BBOX1: variants seen among roughly 807,000 people sequenced by gnomAD.
BBOX1 encodes the protein gamma-butyrobetaine dioxygenase.
A neutral mutation model predicts 41.6 loss-of-function variants in BBOX1; 35 were observed. That is an observed-to-expected ratio of 0.84 (90% CI 0.64 to 1.11). The LOEUF is 1.11. BBOX1 is among the 50% of genes most tolerant of loss of function. The pLI, the probability that BBOX1 is intolerant of heterozygous loss-of-function variation, is 0.00. For missense variants in BBOX1, 458 were observed against 460.6 expected (o/e 0.99, Z 0.05); for synonymous variants, 163 against 154.7 (o/e 1.05, Z -0.40).
At chr11:27,125,259 A>G (rs940127015) in intron 7 of BBOX1, among the ~76,000 whole-genome samples, 2 of 152,182 alleles carry the variant, frequency 1.3e-5, no homozygotes, top group East Asian at 1.9e-4. Flanking sequence ...AAATAAAACC[A>G]TCATACTTAG....
chr11:27,073,424 G>A (rs7927654), intron 4 of BBOX1, among the ~76,000 whole-genome samples: 90,252 of 151,080 alleles, frequency 0.6, 29,616 homozygotes, highest in East Asian at 0.94. Context: ...AGGTGCTGGA[G>A]AGGATGTAGA....
intron 4 of BBOX1, among the ~76,000 whole-genome samples, chr11:27,069,433 CT>C (rs1695543558): frequency 6.6e-6 from 1 of 152,082 alleles, no homozygotes; most frequent in Non-Finnish European, 1.5e-5. Flanking sequence ...TAACCTGAGA[CT>C]TCACTGAATT....
In BBOX1 at chr11:27,065,302, G is replaced by A. The variant is rs116726723; in HGVS notation, c.334+7987G>A. Among the ~76,000 whole-genome samples the A allele has an allele frequency of 4.4e-3, 670 of 152,308 alleles. 5 individuals are homozygous for A. Among genetic ancestry groups the A allele is most frequent in the African/African-American group, 0.016 (646 of 41,578 alleles). On this transcript the variant is annotated intron_variant, in intron 4 of 8. Transcript: ENST00000263182. The stretch of plus-strand genomic sequence containing the variant: ...GTGAATACAGCTATCTCAAATGCAT[G>A]TCAATTTATGAATGTGTACCTTGCT...
intron 4 of BBOX1, among the ~76,000 whole-genome samples, chr11:27,075,032 A>G (rs573348401): frequency 6.6e-6 from 1 of 152,206 alleles, no homozygotes; most frequent in African/African-American, 2.4e-5. Flanking sequence ...TGGGGATGTT[A>G]TAGAACCCTG....
At chr11:27,114,139 A>G (rs773502453) in intron 5 of BBOX1, among the ~76,000 whole-genome samples, 1 of 151,862 alleles carries the variant, frequency 6.6e-6, no homozygotes, top group Non-Finnish European at 1.5e-5. Context: ...AAATCAACAG[A>G]TCCATTTACA....
In BBOX1 at chr11:27,115,525, A is replaced by G. The variant is rs1419567299; in HGVS notation, c.607A>G (p.Thr203Ala). Residue 203 changes from threonine to alanine, a missense_variant, in exon 6 of 9, where the codon ACT becomes GCT. Thr to Ala is a moderately conservative substitution (Grantham distance 58). Transcript: ENST00000263182. Reference sequence around the variant, plus strand: ...CACAACTGGGAAGCTAAGCTTTCACACTGATTATCCAGCCCTCCATCATCC... The same window carrying G: ...CACAACTGGGAAGCTAAGCTTTCACGCTGATTATCCAGCCCTCCATCATCC... Reference protein sequence around the residue: ...AYTTGKLSFHTDYPALHHPPG... With the variant: ...AYTTGKLSFHADYPALHHPPG... The G allele has an allele frequency of 5.6e-6, 9 of 1,611,098 alleles. No individual in the cohort carries two copies. The highest frequency in any genetic ancestry group is 6.8e-6 in the Non-Finnish European group (8 of 1,178,130).
intron 7 of BBOX1, among the ~76,000 whole-genome samples, chr11:27,124,656 C>A (rs1210815468): frequency 6.6e-6 from 1 of 152,074 alleles, no homozygotes; most frequent in Admixed American, 6.5e-5. Flanking sequence ...GCTGGGATTA[C>A]AAGCATGGGC....
At chr11:27,082,831 T>C (rs1857896726) in intron 4 of BBOX1, among the ~76,000 whole-genome samples, 1 of 152,174 alleles carries the variant, frequency 6.6e-6, no homozygotes, top group South Asian at 2.1e-4. Flanking sequence ...TACGTGTAAT[T>C]CTTGTTTTCT....
chr11:27,052,161 ATAAAATGAT>A (rs1851691494), intron 2 of BBOX1, among the ~76,000 whole-genome samples: 1 of 152,112 alleles, frequency 6.6e-6, no homozygotes, highest in Non-Finnish European at 1.5e-5. Context: ...ATTATCTTTC[ATAAAATGAT>A]ATTTCATACA....
At chr11:27,069,456 T>C (rs1174954781) in intron 4 of BBOX1, among the ~76,000 whole-genome samples, 1 of 152,120 alleles carries the variant, frequency 6.6e-6, no homozygotes, top group African/African-American at 2.4e-5. Context: ...GCTTATGAAA[T>C]CTAGAAGTCT....
intron 2 of BBOX1, among the ~76,000 whole-genome samples, chr11:27,044,358 T>C (rs576709763): frequency 3.3e-4 from 51 of 152,322 alleles, no homozygotes; most frequent in Non-Finnish European, 6.6e-4. Flanking sequence ...GATGGATAGA[T>C]TGCAAAAATT....
At chr11:27,115,345 C>A in intron 5 of BBOX1, 107 bp from the exon 6 acceptor site, 1 of 874,896 alleles carries the variant, frequency 1.1e-6, no homozygotes, top group Non-Finnish European at 1.7e-6. Flanking sequence ...GTAATTATTT[C>A]AAAAAATGAA....
At chr11:27,093,500 A>G in intron 5 of BBOX1, 134 bp downstream of exon 5, 1 of 958,250 alleles carries the variant, frequency 1.0e-6, no homozygotes, top group Non-Finnish European at 1.5e-6. Flanking sequence ...TAAAAAGAAG[A>G]GTCTAAAAGT....
At chr11:27,043,416 C>CAGGTTTGTGGT (rs879430839) in intron 2 of BBOX1, among the ~76,000 whole-genome samples, 1 of 151,440 alleles carries the variant, frequency 6.6e-6, no homozygotes, top group Non-Finnish European at 1.5e-5. Flanking sequence ...GCAGAATGTG[C>CAGGTTTGTGGT]ACGTTTGGGG....
intron 6 of BBOX1, 91 bp downstream of exon 6, chr11:27,115,648 G>A: frequency 3.6e-6 from 4 of 1,124,420 alleles, no homozygotes; most frequent in Non-Finnish European, 4.9e-6. Flanking sequence ...ATTTCACCAG[G>A]TAGTTTGTCT....
chr11:27,051,048 T>C (rs1390385358), intron 2 of BBOX1, among the ~76,000 whole-genome samples: 1 of 152,090 alleles, frequency 6.6e-6, no homozygotes, highest in Admixed American at 6.6e-5. Flanking sequence ...CATAAAAGGA[T>C]GTTGAATTTT....
intron 4 of BBOX1, among the ~76,000 whole-genome samples, chr11:27,089,275 A>G (rs536357203): frequency 1.3e-5 from 2 of 152,140 alleles, no homozygotes; most frequent in South Asian, 2.1e-4. Flanking sequence ...TCTAGTAGCT[A>G]TGATATTGGA....
At chr11:27,097,614 C>T (rs974075457) in intron 5 of BBOX1, among the ~76,000 whole-genome samples, 5 of 151,994 alleles carry the variant, frequency 3.3e-5, no homozygotes, top group Admixed American at 1.3e-4. Flanking sequence ...ATAATCTAGG[C>T]CAATAAAAAT....
At chr11:27,067,655 C>T (rs940431221) in intron 4 of BBOX1, among the ~76,000 whole-genome samples, 1 of 69,182 alleles carries the variant, frequency 1.4e-5, no homozygotes, top group Middle Eastern at 7.4e-3. Flanking sequence ...GCTTGAACCC[C>T]GAGGCTGAGA....
Sources: gnomAD v4.1 joint callset for allele counts (sites outside exome capture counted in the v4.1 genomes callset) on GRCh38, gnomAD v4.1.1 for gene constraint, MANE v1.5 for transcripts, NCBI Gene and HGNC (gene_info 2026-07-23, HGNC 2026-07-21) for gene names.